The following TEAD1 variants were observed in gnomAD, a reference collection of about 807,000 sequenced individuals.
The protein encoded by TEAD1 is transcriptional enhancer factor TEF-1.
A neutral mutation model predicts 54.9 loss-of-function variants in TEAD1; 9 were observed. The observed-to-expected ratio is 0.16, with a 90% confidence interval of 0.10 to 0.29. TEAD1 has a LOEUF of 0.29. TEAD1 is among the 10% of genes least tolerant of loss of function. The pLI, the probability that TEAD1 is intolerant of heterozygous loss-of-function variation, is 1.00. For synonymous variants in TEAD1, 200 were observed against 187.8 expected (o/e 1.07, Z -0.53); for missense variants, 387 against 535.9 (o/e 0.72, Z 2.74).
At chr11:12,811,840 G>T (rs1442995401) in intron 3 of TEAD1, among the ~76,000 whole-genome samples, 2 of 9,158 alleles carry the variant, frequency 2.2e-4, no homozygotes, top group African/African-American at 1.0e-3. Context: ...CTGTATATGT[G>T]TATCTGGGTG....
At chr11:12,861,150 G>A (rs1166559799) in intron 3 of TEAD1, among the ~76,000 whole-genome samples, 6 of 152,228 alleles carry the variant, frequency 3.9e-5, no homozygotes, top group African/African-American at 1.2e-4. Flanking sequence ...AGTTGAAGTC[G>A]TAAATAGGAC....
At chr11:12,780,711 C>T (rs1337586778) in intron 3 of TEAD1, among the ~76,000 whole-genome samples, 1 of 151,930 alleles carries the variant, frequency 6.6e-6, no homozygotes, top group African/African-American at 2.4e-5. Context: ...ATTAAATAAC[C>T]GAATAAATTG....
intron 2 of TEAD1, among the ~76,000 whole-genome samples, chr11:12,749,931 C>CA (rs1944831976): frequency 6.6e-6 from 1 of 152,026 alleles, no homozygotes. Context: ...GGATGGGGTG[C>CA]GGGTGGGGCT....
At chr11:12,685,713 A>T (rs1336071921) in intron 2 of TEAD1, among the ~76,000 whole-genome samples, 1 of 152,212 alleles carries the variant, frequency 6.6e-6, no homozygotes, top group Non-Finnish European at 1.5e-5. Flanking sequence ...CCCTAATGAT[A>T]AATGTTTACC....
At chr11:12,892,195 C>G (rs1343676189) in intron 9 of TEAD1, among the ~76,000 whole-genome samples, 1 of 152,142 alleles carries the variant, frequency 6.6e-6, no homozygotes, top group African/African-American at 2.4e-5. Context: ...TACAGATCAA[C>G]TAAAATTCCG....
chr11:12,834,762 TC>T (rs1946852681), intron 3 of TEAD1, among the ~76,000 whole-genome samples: 2 of 146,552 alleles, frequency 1.4e-5, no homozygotes, highest in Non-Finnish European at 3.0e-5. Flanking sequence ...CTGTGCCCAC[TC>T]TTTTTTTTTT....
intron 3 of TEAD1, among the ~76,000 whole-genome samples, chr11:12,834,616 G>T (rs187003091): frequency 6.6e-6 from 1 of 151,626 alleles, no homozygotes; most frequent in African/African-American, 2.4e-5. Context: ...GATATTTTTT[G>T]TTTGTTTGTT....
At chr11:12,867,047 T>C (rs1947633298) in intron 5 of TEAD1, among the ~76,000 whole-genome samples, 1 of 152,154 alleles carries the variant, frequency 6.6e-6, no homozygotes, top group African/African-American at 2.4e-5. Flanking sequence ...AAGCTCACTA[T>C]GAAGTGACTT....
chr11:12,735,639 G>T (rs1169557883), intron 2 of TEAD1, among the ~76,000 whole-genome samples: 2 of 151,398 alleles, frequency 1.3e-5, no homozygotes, highest in Non-Finnish European at 2.9e-5. Flanking sequence ...TGTGACCAAG[G>T]CAGACGTATG....
chr11:12,899,304 T>G (rs79401245), intron 9 of TEAD1, among the ~76,000 whole-genome samples: 3 of 152,034 alleles, frequency 2.0e-5, no homozygotes, highest in Non-Finnish European at 4.4e-5. Flanking sequence ...GTCTAGGTAA[T>G]AAACAATGCC....
At chr11:12,777,286 C>T (rs1353323223) in intron 3 of TEAD1, among the ~76,000 whole-genome samples, 2 of 152,152 alleles carry the variant, frequency 1.3e-5, no homozygotes, top group African/African-American at 4.8e-5. Context: ...AGTTTTACAG[C>T]TTCTGGGGTA....
chr11:12,885,941 GTA>G (rs1217106941), intron 9 of TEAD1, among the ~76,000 whole-genome samples: 2 of 152,226 alleles, frequency 1.3e-5, no homozygotes, highest in Non-Finnish European at 2.9e-5. Flanking sequence ...CCCCTGGGGA[GTA>G]TAATGCCTAG....
chr11:12,764,090 T>A, intron 2 of TEAD1, 89 bp from the exon 3 acceptor site: 1 of 794,408 alleles, frequency 1.3e-6, no homozygotes, highest in Non-Finnish European at 2.0e-6. Context: ...TGAAAAAAGC[T>A]GGTGACTGAA....
chr11:12,815,639 G>A (rs1407783415), intron 3 of TEAD1, among the ~76,000 whole-genome samples: 1 of 152,208 alleles, frequency 6.6e-6, no homozygotes, highest in African/African-American at 2.4e-5. Context: ...CAATGATTGG[G>A]TGATGACGAT....
intron 3 of TEAD1, among the ~76,000 whole-genome samples, chr11:12,813,764 A>G (rs1259903992): frequency 2.0e-5 from 3 of 152,140 alleles, no homozygotes; most frequent in African/African-American, 7.2e-5. Context: ...GCCCGTCTGC[A>G]GGGGTGGCAG....
intron 3 of TEAD1, among the ~76,000 whole-genome samples, chr11:12,776,110 A>C (rs1426620505): frequency 6.6e-6 from 1 of 152,082 alleles, no homozygotes; most frequent in Non-Finnish European, 1.5e-5. Context: ...AGAGAGTGGC[A>C]GTGCTAGGGC....
In TEAD1 at chr11:12,924,567, A is replaced by C. The variant is rs1055380353; in HGVS notation, c.874-345A>C. 2.6e-5 allele frequency among the ~76,000 whole-genome samples: 4 copies of C among 152,140 alleles called. No individual in the cohort carries two copies. In the East Asian group the frequency reaches 7.7e-4, roughly 29 times the overall value. ...CTTGTTTTTTTTAAAAAATATCTCTAAAGATGAGTGAACATGAATCCAATT... is the reference window on the plus strand; with the variant it reads ...CTTGTTTTTTTTAAAAAATATCTCTCAAGATGAGTGAACATGAATCCAATT... On this transcript the variant is annotated intron_variant, in intron 10 of 12. Coordinates refer to ENST00000527636, the MANE Select transcript of TEAD1 (RefSeq NM_021961.6).
intron 3 of TEAD1, among the ~76,000 whole-genome samples, chr11:12,807,159 A>T (rs1327772418): frequency 6.6e-6 from 1 of 152,232 alleles, no homozygotes; most frequent in African/African-American, 2.4e-5. Flanking sequence ...GGCACTTTGG[A>T]AGCAATAATG....
intron 9 of TEAD1, among the ~76,000 whole-genome samples, chr11:12,885,554 T>C (rs762994449): frequency 1.3e-5 from 2 of 152,108 alleles, no homozygotes; most frequent in Admixed American, 1.3e-4. Flanking sequence ...GTCTTTTCAG[T>C]CTGAATATCT....
Sources: gnomAD v4.1 joint callset for allele counts (sites outside exome capture counted in the v4.1 genomes callset) on GRCh38, gnomAD v4.1.1 for gene constraint, MANE v1.5 for transcripts, NCBI Gene and HGNC (gene_info 2026-07-23, HGNC 2026-07-21) for gene names.